The following MEI4 variants were observed in gnomAD, a reference collection of about 807,000 sequenced individuals.
The protein encoded by MEI4 is meiotic double-stranded break formation protein 4.
In MEI4, 27 loss-of-function variants were observed where a neutral mutation model predicts 31.4. The observed-to-expected ratio is 0.86, with a 90% confidence interval of 0.63 to 1.19. The LOEUF (loss-of-function observed/expected upper bound fraction) is 1.19, where lower values mean the gene tolerates loss of function less well. Among genes scored for constraint, MEI4 ranks in the 50% most tolerant of loss-of-function variants. The probability of loss-of-function intolerance (pLI) is 0.00; values close to 1 mark genes in which losing one functional copy is unlikely to be tolerated. For missense variants in MEI4, 329 were observed against 398.9 expected (o/e 0.82, Z 1.49); for synonymous variants, 122 against 145.4 (o/e 0.84, Z 1.16).
intron 2 of MEI4, among the ~76,000 whole-genome samples, chr6:77,732,557 A>G (rs1767035132): frequency 6.6e-6 from 1 of 151,998 alleles, no homozygotes; most frequent in East Asian, 1.9e-4. Flanking sequence ...CAGATATACA[A>G]TCATGTCATC....
At chr6:77,922,894 A>G (rs1389565288) in intron 4 of MEI4, among the ~76,000 whole-genome samples, 195 bp from the exon 5 acceptor site, 6 of 151,740 alleles carry the variant, frequency 4.0e-5, no homozygotes, top group African/African-American at 1.5e-4. Context: ...AAGAAAAGTC[A>G]TTCACCATGA....
At chr6:77,919,130 G>A (rs1364960452) in intron 4 of MEI4, among the ~76,000 whole-genome samples, 4 of 151,994 alleles carry the variant, frequency 2.6e-5, no homozygotes, top group Non-Finnish European at 5.9e-5. Flanking sequence ...ATTGAACTCA[G>A]TTCTGCACCA....
rs931933546 is a variant in MEI4 at position 77,926,940 on chromosome 6, C to T, written c.*3594C>T. On this transcript the variant is annotated 3_prime_UTR_variant, in exon 5 of 5. Coordinates refer to ENST00000684080, the MANE Select transcript of MEI4 (RefSeq NM_001322247.2). ...GAATTATTTATAGAATTGTATAATA[C>T]AAAATTTATCTGGTTAATAAATATA... The T allele has an allele frequency of 6.6e-6, 1 of 151,680 alleles. No individual in the cohort carries two copies. Among genetic ancestry groups the T allele is most frequent in the Admixed American group, 6.6e-5 (1 of 15,164 alleles). The allele number at this position is 151,680 out of a possible 1,614,324, so 9.4% of individuals were successfully genotyped here.
At chr6:77,703,102 C>T (rs552626805) in intron 2 of MEI4, among the ~76,000 whole-genome samples, 2 of 152,336 alleles carry the variant, frequency 1.3e-5, no homozygotes, top group South Asian at 4.1e-4. Context: ...AGACTATTTT[C>T]ATCCCACTGT....
At chr6:77,908,819 AC>A (rs1238076623) in intron 4 of MEI4, among the ~76,000 whole-genome samples, 1 of 152,112 alleles carries the variant, frequency 6.6e-6, no homozygotes, top group Admixed American at 6.6e-5. Flanking sequence ...ATATATATGT[AC>A]CCAATACAGG....
At chr6:77,862,826 A>C (rs183594862) in intron 4 of MEI4, among the ~76,000 whole-genome samples, 47 of 152,298 alleles carry the variant, frequency 3.1e-4, no homozygotes, top group African/African-American at 1.1e-3. Context: ...GGCATCCCCC[A>C]GTAGGGGCAG....
rs932932708 is a variant in MEI4 at position 77,922,586 on chromosome 6, C to A, written c.901-503C>A. Among the ~76,000 whole-genome samples, 4 of 151,664 alleles carry A rather than the reference C, an allele frequency of 2.6e-5. No individual in the cohort carries two copies. The East Asian group carries it at 7.8e-4, about 29-fold the overall frequency. On this transcript the variant is annotated intron_variant, in intron 4 of 4. Coordinates refer to ENST00000684080, the MANE Select transcript of MEI4 (RefSeq NM_001322247.2). ...AGTTCTACAAGATGCATCTACATTT[C>A]TTCTCATGACTATGTATATGATTCA...
intron 3 of MEI4, 59 bp from the exon 4 acceptor site, chr6:77,828,871 AG>A: frequency 8.3e-7 from 1 of 1,203,344 alleles, no homozygotes; most frequent in Non-Finnish European, 1.0e-6. Flanking sequence ...GTAAGGTCTT[AG>A]AAAATACATT....
At position 77,796,516 on chromosome 6, in the gene MEI4, G is replaced by T. The variant is rs141018739; in HGVS notation, c.769-32415G>T. On this transcript the variant is annotated intron_variant, in intron 3 of 4. Transcript: ENST00000684080. ...ACTAATATATGAATTCAGTAAAGTT[G>T]CAGACTGCAAAATAAACATTTAAAA... 9.8e-3 allele frequency among the ~76,000 whole-genome samples: 1,493 copies of T among 152,210 alleles called. 13 individuals are homozygous for T. Among genetic ancestry groups the T allele is most frequent in the Middle Eastern group, 0.037 (11 of 294 alleles).
At chr6:77,839,340 G>A (rs1267461520) in intron 4 of MEI4, among the ~76,000 whole-genome samples, 3 of 152,112 alleles carry the variant, frequency 2.0e-5, no homozygotes, top group African/African-American at 4.8e-5. Flanking sequence ...AACAGAAGGG[G>A]GTGATGGTGA....
At chr6:77,914,106 T>C (rs1267571812) in intron 4 of MEI4, among the ~76,000 whole-genome samples, 1 of 151,724 alleles carries the variant, frequency 6.6e-6, no homozygotes, top group Non-Finnish European at 1.5e-5. Flanking sequence ...CAGTTCTGCT[T>C]GATCTTTATT....
chr6:77,797,034 C>T (rs1426770003), intron 3 of MEI4, among the ~76,000 whole-genome samples: 1 of 152,044 alleles, frequency 6.6e-6, no homozygotes, highest in East Asian at 1.9e-4. Context: ...AAAATAAACA[C>T]ACATGTGTAT....
intron 2 of MEI4, among the ~76,000 whole-genome samples, chr6:77,749,899 C>A (rs766086657): frequency 6.6e-6 from 1 of 152,196 alleles, no homozygotes; most frequent in African/African-American, 2.4e-5. Flanking sequence ...AACAGAAGCC[C>A]ACCAGACTAA....
chr6:77,789,673 A>T (rs966645658), intron 3 of MEI4, among the ~76,000 whole-genome samples: 1 of 152,250 alleles, frequency 6.6e-6, no homozygotes, highest in Non-Finnish European at 1.5e-5. Context: ...ATCACTGGCC[A>T]TCAGAGAAAT....
chr6:77,786,403 A>G (rs1411278202), intron 3 of MEI4, among the ~76,000 whole-genome samples: 1 of 152,132 alleles, frequency 6.6e-6, no homozygotes, highest in African/African-American at 2.4e-5. Flanking sequence ...CTTTAAAGGA[A>G]TCTAAGTGGG....
rs549513918 is a variant in MEI4 at position 77,791,164 on chromosome 6, C to T, written c.768+29499C>T. ...CTAGAACTAGAAATACCATTTGACC[C>T]AGCCATCCCATTACTGGGTATATAC... is the stretch of plus-strand genomic sequence containing the variant. On this transcript the variant is annotated intron_variant, in intron 3 of 4. Transcript: ENST00000684080. Among the ~76,000 whole-genome samples the T allele has an allele frequency of 1.3e-3, 205 of 152,196 alleles. 1 individual carries two copies. The highest frequency in any genetic ancestry group is 4.3e-3 in the African/African-American group (179 of 41,526).
chr6:77,798,093 G>T (rs780124974), intron 3 of MEI4, among the ~76,000 whole-genome samples: 1 of 152,012 alleles, frequency 6.6e-6, no homozygotes, highest in Admixed American at 6.6e-5. Context: ...CAATAAGTCA[G>T]TACTTACTTG....
chr6:77,653,128 T>C (rs1348524159), intron 1 of MEI4, among the ~76,000 whole-genome samples, 36 bp downstream of exon 1: 1 of 152,238 alleles, frequency 6.6e-6, no homozygotes, highest in Non-Finnish European at 1.5e-5. Flanking sequence ...ACTTGAAATG[T>C]ATTTTGCCAG....
intron 1 of MEI4, among the ~76,000 whole-genome samples, chr6:77,666,892 C>CAT: frequency 1.3e-5 from 2 of 150,670 alleles, no homozygotes; most frequent in Non-Finnish European, 3.0e-5. Context: ...TGCGTGCGTG[C>CAT]GTGCGTGCAT....
Sources: gnomAD v4.1 joint callset for allele counts (sites outside exome capture counted in the v4.1 genomes callset) on GRCh38, gnomAD v4.1.1 for gene constraint, MANE v1.5 for transcripts, NCBI Gene and HGNC (gene_info 2026-07-23, HGNC 2026-07-21) for gene names.